Variants in MIS18A observed in about 807,000 individuals in gnomAD.
The protein encoded by MIS18A is MIS18 kinetochore protein A, also known as protein Mis18-alpha.
Under a neutral mutation model 25.0 loss-of-function variants are expected in MIS18A, and 14 were observed. The ratio of observed to expected loss-of-function variants is 0.56; its 90% CI spans 0.37 to 0.88. The LOEUF is 0.88. Ranked by LOEUF, MIS18A falls within the 40% of genes least tolerant of loss-of-function variation. MIS18A has a pLI of 0.00. For synonymous variants in MIS18A, 134 were observed against 118.6 expected, an observed-to-expected ratio of 1.13 and a Z score of -0.84; for missense variants, 292 against 290.8, an observed-to-expected ratio of 1.00 and a Z score of -0.03.
chr21:32,262,371 CTCT>C, the MIS18A span, among the ~76,000 whole-genome samples: 1 of 152,244 alleles, frequency 6.6e-6, no homozygotes, highest in African/African-American at 2.4e-5. Context: ...TGGCTACATG[CTCT>C]TCTTTTTGGT....
chr21:32,181,419 G>A, the MIS18A span, among the ~76,000 whole-genome samples: 1 of 152,100 alleles, frequency 6.6e-6, no homozygotes, highest in Non-Finnish European at 1.5e-5. Flanking sequence ...ATGCTCTGTT[G>A]GTTCTGTTTC....
downstream of MIS18A, among the ~76,000 whole-genome samples, chr21:32,263,269 G>A (rs1207932531): frequency 6.6e-6 from 1 of 152,158 alleles, no homozygotes; most frequent in African/African-American, 2.4e-5. Context: ...GTTTTCTCCA[G>A]GAGAGGTGGA....
At chr21:32,191,774 G>A in the MIS18A span, among the ~76,000 whole-genome samples, 5 of 151,856 alleles carry the variant, frequency 3.3e-5, no homozygotes, top group East Asian at 1.9e-4. Flanking sequence ...GCGTTGTGGC[G>A]GGTGCCTGTA....
chr21:32,187,476 G>T, the MIS18A span, among the ~76,000 whole-genome samples: 4 of 152,282 alleles, frequency 2.6e-5, no homozygotes, highest in East Asian at 7.7e-4. Context: ...GGTCCAGAGG[G>T]ATGGGGGAAA....
At chr21:32,163,835 A>G in the MIS18A span, among the ~76,000 whole-genome samples, 5 of 152,102 alleles carry the variant, frequency 3.3e-5, no homozygotes, top group Admixed American at 3.3e-4. Flanking sequence ...GGTTGTCTTC[A>G]TTTGTTTGTG....
At chr21:32,244,299 T>A in the MIS18A span, among the ~76,000 whole-genome samples, 1 of 152,192 alleles carries the variant, frequency 6.6e-6, no homozygotes, top group South Asian at 2.1e-4. Context: ...GGAATTTTTT[T>A]TTTTTAGGTG....
chr21:32,238,018 A>G, the MIS18A span, among the ~76,000 whole-genome samples: 37,701 of 152,070 alleles, frequency 0.25, 7,121 homozygotes, highest in African/African-American at 0.52. Context: ...GTTACAAGGA[A>G]GCTGCCATAG....
the MIS18A span, among the ~76,000 whole-genome samples, chr21:32,168,023 AT>A: frequency 1.3e-5 from 2 of 152,122 alleles, no homozygotes; most frequent in Non-Finnish European, 2.9e-5. Context: ...TTGGGAGGTA[AT>A]TAGGTCATGA....
the MIS18A span, among the ~76,000 whole-genome samples, chr21:32,220,640 G>A: frequency 2.6e-5 from 4 of 152,044 alleles, no homozygotes; most frequent in Non-Finnish European, 5.9e-5. Flanking sequence ...TTGACAAATT[G>A]ACAGAAGCAG....
the MIS18A span, among the ~76,000 whole-genome samples, chr21:32,254,960 T>G: frequency 2.4e-4 from 36 of 152,360 alleles, 1 homozygote; most frequent in South Asian, 7.2e-3. Flanking sequence ...TTGTGAAATA[T>G]TATGCAGTCA....
the MIS18A span, among the ~76,000 whole-genome samples, chr21:32,199,871 G>T: frequency 6.6e-6 from 1 of 152,164 alleles, no homozygotes; most frequent in South Asian, 2.1e-4. Context: ...CACCATCCCA[G>T]AGGCACTGAG....
the MIS18A span, among the ~76,000 whole-genome samples, chr21:32,242,253 C>T: frequency 6.6e-6 from 1 of 152,214 alleles, no homozygotes; most frequent in African/African-American, 2.4e-5. Flanking sequence ...GAATCCACAT[C>T]AGGAGGAGGG....
Position 32,269,770 on chromosome 21 carries a change from C to T in MIS18A, c.558G>A (p.Val186=), listed in dbSNP as rs200157653. The change falls in exon 4 of 5, where the codon GTG becomes GTA. Residue 186 remains valine, a synonymous_variant. Transcript: ENST00000290130. ...GATTAAAAAGCTCTTTATCTTCTGA[C>T]ACAATTTGCTTTTCAGAGGACCCTA... The part of the protein sequence containing the change: ...YVLGSSEKQI[V]SEDKELFNLE... 1.9e-6 allele frequency: 3 copies of T among 1,611,814 alleles called. No individual in the cohort carries two copies. Among genetic ancestry groups the T allele is most frequent in the African/African-American group, 2.7e-5 (2 of 75,008 alleles).
At chr21:32,166,497 A>C in the MIS18A span, among the ~76,000 whole-genome samples, 1 of 152,176 alleles carries the variant, frequency 6.6e-6, no homozygotes, top group Non-Finnish European at 1.5e-5. Flanking sequence ...TGCTCAAAAA[A>C]CAGAAGGATG....
the MIS18A span, among the ~76,000 whole-genome samples, chr21:32,154,976 T>C: frequency 4.6e-5 from 7 of 152,246 alleles, no homozygotes; most frequent in Non-Finnish European, 8.8e-5. Flanking sequence ...GCTGTGAGTT[T>C]GGTTTTTGTT....
the MIS18A span, among the ~76,000 whole-genome samples, chr21:32,248,606 G>A: frequency 2.0e-5 from 3 of 152,174 alleles, no homozygotes; most frequent in African/African-American, 4.8e-5. Flanking sequence ...CATTCGTCTC[G>A]CTACCCTTCT....
chr21:32,258,103 C>T, the MIS18A span, among the ~76,000 whole-genome samples: 2 of 152,182 alleles, frequency 1.3e-5, no homozygotes, highest in Non-Finnish European at 2.9e-5. Context: ...AGACTGCCAC[C>T]TCTCAGCCGG....
At chr21:32,177,911 T>C in the MIS18A span, among the ~76,000 whole-genome samples, 6 of 26,770 alleles carry the variant, frequency 2.2e-4, no homozygotes, top group Admixed American at 1.3e-3. Context: ...TTTTTTTCTT[T>C]TGTTTTCTTT....
the MIS18A span, among the ~76,000 whole-genome samples, chr21:32,252,540 A>G: frequency 2.9e-4 from 44 of 152,334 alleles, no homozygotes; most frequent in African/African-American, 9.6e-4. Context: ...AAGCAAAAAT[A>G]TATTTTTTAA....
Sources: allele counts gnomAD v4.1 joint callset (sites outside exome capture counted in the v4.1 genomes callset), GRCh38; gene constraint gnomAD v4.1.1; transcripts MANE v1.5; gene names NCBI Gene and HGNC (gene_info 2026-07-23, HGNC 2026-07-21).